The following MRPL14 variants were observed in gnomAD, a reference collection of about 807,000 sequenced individuals.
The protein encoded by MRPL14 is mitochondrial ribosomal protein L14, also known as large ribosomal subunit protein uL14m.
Under a neutral mutation model 10.9 loss-of-function variants are expected in MRPL14, and 8 were observed. The observed-to-expected ratio is 0.74, with a 90% CI of 0.43 to 1.33. The LOEUF (loss-of-function observed/expected upper bound fraction) is 1.33, where lower values mean the gene tolerates loss of function less well. MRPL14 is among the 40% of genes most tolerant of loss of function. The probability of loss-of-function intolerance (pLI) is 0.01; values close to 1 mark genes in which losing one functional copy is unlikely to be tolerated. For missense variants in MRPL14, 179 were observed against 194.5 expected (o/e 0.92, Z 0.47); for synonymous variants, 82 against 74.1 (o/e 1.11, Z -0.54).
At chr6:44,120,615 G>A (rs923469204) in intron 1 of MRPL14, among the ~76,000 whole-genome samples, 4 of 152,112 alleles carry the variant, frequency 2.6e-5, no homozygotes, top group African/African-American at 4.8e-5. Context: ...AAGCACAAAA[G>A]AATCAAATAT....
In MRPL14 at chr6:44,113,511, G is replaced by T; in HGVS notation, c.*332C>A. 1 of 211,226 alleles carries T rather than the reference G, an allele frequency of 4.7e-6. No homozygotes were observed. The highest frequency in any genetic ancestry group is 5.7e-5 in the Admixed American group (1 of 17,428). The allele number at this position is 211,226 out of a possible 1,614,324, so 13.1% of individuals were successfully genotyped here. Reference sequence around the variant, plus strand: ...ATTTGGTGTGTACCTCAGTTTTCCAGGGCCTGACAGTCCTGGATGAACTTA... The same window carrying T: ...ATTTGGTGTGTACCTCAGTTTTCCATGGCCTGACAGTCCTGGATGAACTTA... On this transcript the variant is annotated 3_prime_UTR_variant, in exon 3 of 3. Transcript: ENST00000372014.
intron 2 of MRPL14, among the ~76,000 whole-genome samples, chr6:44,115,758 C>T (rs1414169052): frequency 6.6e-6 from 1 of 152,164 alleles, no homozygotes; most frequent in Middle Eastern, 3.2e-3. Flanking sequence ...AACCACTTCC[C>T]CAAGCACACC....
At chr6:44,116,990 G>A (rs1458967054) in intron 1 of MRPL14, among the ~76,000 whole-genome samples, 3 of 152,314 alleles carry the variant, frequency 2.0e-5, no homozygotes, top group Middle Eastern at 3.4e-3. Context: ...CTCCATAGAG[G>A]AAAAACTGCA....
At chr6:44,123,858 G>A (rs1347413973) in intron 1 of MRPL14, among the ~76,000 whole-genome samples, 2 of 151,902 alleles carry the variant, frequency 1.3e-5, no homozygotes, top group Non-Finnish European at 2.9e-5. Context: ...GTGACAGAGC[G>A]AGACCCTGCC....
intron 1 of MRPL14, among the ~76,000 whole-genome samples, chr6:44,124,903 A>T (rs1402947784): frequency 6.6e-6 from 1 of 152,190 alleles, no homozygotes; most frequent in Non-Finnish European, 1.5e-5. Flanking sequence ...AGAACTATCC[A>T]AGTAACCTGA....
At chr6:44,122,790 CCTT>C (rs1428811360) in intron 1 of MRPL14, among the ~76,000 whole-genome samples, 1 of 152,048 alleles carries the variant, frequency 6.6e-6, no homozygotes, top group Non-Finnish European at 1.5e-5. Context: ...ATATAAATGT[CCTT>C]CTTAATCAAA....
rs751402548 is a variant in MRPL14 at position 44,113,898 on chromosome 6, C to T, written c.383G>A (p.Arg128His). 4.1e-5 allele frequency: 66 copies of T among 1,601,798 alleles called. No individual in the cohort carries two copies. Among genetic ancestry groups the T allele is most frequent in the Non-Finnish European group, 5.0e-5 (59 of 1,170,728 alleles). Residue 128 changes from arginine to histidine, a missense_variant, in exon 3 of 3, where the codon CGC becomes CAC. By Grantham distance (29) the Arg-to-His change is conservative. Transcript: ENST00000372014. ...RIKTPIPTSL[R>H]KREGEYSKVL... ...CTTGGAATACTCGCCTTCCCGCTTG[C>T]GCAGGCTGGTGGGGATGGGTGTCTT...
At chr6:44,121,112 A>G (rs577719276) in intron 1 of MRPL14, among the ~76,000 whole-genome samples, 6 of 152,158 alleles carry the variant, frequency 3.9e-5, no homozygotes, top group Middle Eastern at 3.2e-3. Context: ...ACAGACCCTG[A>G]ATCACTTCAG....
At chr6:44,117,249 C>G (rs1775941184) in intron 1 of MRPL14, among the ~76,000 whole-genome samples, 1 of 151,990 alleles carries the variant, frequency 6.6e-6, no homozygotes, top group African/African-American at 2.4e-5. Flanking sequence ...GAAAACTGAC[C>G]TACACCATAC....
intron 1 of MRPL14, chr6:44,127,078 C>G (rs1013490745): frequency 2.0e-5 from 3 of 151,492 alleles, no homozygotes; most frequent in Non-Finnish European, 4.4e-5. Context: ...AGCAGGTGAG[C>G]GCCGGCCACG....
At chr6:44,125,722 T>C (rs1164452016) in intron 1 of MRPL14, among the ~76,000 whole-genome samples, 1 of 140,972 alleles carries the variant, frequency 7.1e-6, no homozygotes, top group Non-Finnish European at 1.5e-5. Flanking sequence ...ACCAGACAAC[T>C]ATGGCTTCCA....
At chr6:44,116,874 A>C (rs1170860057) in intron 1 of MRPL14, among the ~76,000 whole-genome samples, 1 of 152,230 alleles carries the variant, frequency 6.6e-6, no homozygotes, top group Non-Finnish European at 1.5e-5. Flanking sequence ...TGCTATAAAA[A>C]AATACAACAG....
intron 1 of MRPL14, among the ~76,000 whole-genome samples, chr6:44,121,936 CAAA>C (rs61174423): frequency 5.6e-4 from 75 of 134,720 alleles, no homozygotes; most frequent in Admixed American, 9.4e-4. Flanking sequence ...AAGACTGTCT[CAAA>C]AAAAAAAAAA....
intron 1 of MRPL14, among the ~76,000 whole-genome samples, chr6:44,117,785 C>G (rs987469105): frequency 6.6e-6 from 1 of 151,630 alleles, no homozygotes; most frequent in South Asian, 2.1e-4. Context: ...CCACCTCAGC[C>G]TCCCAAGTAG....
intron 1 of MRPL14, among the ~76,000 whole-genome samples, chr6:44,125,822 C>A (rs1287516324): frequency 6.6e-6 from 1 of 152,132 alleles, no homozygotes; most frequent in African/African-American, 2.4e-5. Flanking sequence ...ACCAATTTCA[C>A]AACTCCCAGA....
At chr6:44,118,296 G>C (rs926649619) in intron 1 of MRPL14, among the ~76,000 whole-genome samples, 2 of 152,152 alleles carry the variant, frequency 1.3e-5, no homozygotes, top group African/African-American at 4.8e-5. Context: ...TAGTTATGAG[G>C]ATTCAATTAG....
intron 1 of MRPL14, among the ~76,000 whole-genome samples, chr6:44,121,278 C>A (rs557153872): frequency 6.9e-6 from 1 of 145,522 alleles, no homozygotes; most frequent in Admixed American, 7.2e-5. Context: ...GCATTTCATG[C>A]CACTTCCTGG....
chr6:44,127,152 T>TCCCCTCCCCGTCGGGTCC (rs1777197500), intron 1 of MRPL14, 192 bp downstream of exon 1: 1 of 108,804 alleles, frequency 9.2e-6, no homozygotes, highest in Non-Finnish European at 2.2e-5. Flanking sequence ...GTAAGGGGCC[T>TCCCCTCCCCGTCGGGTCC]CCCCTCCCCG....
Position 44,122,062 on chromosome 6 carries a change from T to C in MRPL14, c.-19+5282A>G, listed in dbSNP as rs7759617. On this transcript the variant is annotated intron_variant, in intron 1 of 2. Transcript: ENST00000372014. The stretch of plus-strand genomic sequence containing the variant: ...CTCCCAGTGACTTGGGAGAGCCTCA[T>C]AGGCACAGAGAGCTCTTCCCCCCCC... Among the ~76,000 whole-genome samples, 306 of 151,570 alleles carry C rather than the reference T, an allele frequency of 2.0e-3. 2 individuals are homozygous for C. The highest frequency in any genetic ancestry group is 7.1e-3 in the African/African-American group (294 of 41,372).
Sources: gnomAD v4.1 joint callset for allele counts (sites outside exome capture counted in the v4.1 genomes callset) on GRCh38, gnomAD v4.1.1 for gene constraint, MANE v1.5 for transcripts, NCBI Gene and HGNC (gene_info 2026-07-23, HGNC 2026-07-21) for gene names.